Variants in CHODL observed in about 807,000 individuals in gnomAD.
CHODL encodes transmembrane protein MT75.
Under a neutral mutation model 34.5 loss-of-function variants are expected in CHODL, and 29 were observed. The ratio of observed to expected loss-of-function variants is 0.84; its 90% confidence interval spans 0.63 to 1.15. The LOEUF (loss-of-function observed/expected upper bound fraction) is 1.15, where lower values mean the gene tolerates loss of function less well. Among genes scored for constraint, CHODL ranks in the 50% most tolerant of loss-of-function variants. CHODL has a pLI of 0.00. For missense variants in CHODL, 332 were observed against 332.5 expected (o/e 1.00, Z 0.01); for synonymous variants, 125 against 116.1 (o/e 1.08, Z -0.49).
At chr21:18,012,618 C>T (rs574426687) in intron 1 of CHODL, among the ~76,000 whole-genome samples, 37 of 152,246 alleles carry the variant, frequency 2.4e-4, no homozygotes, top group African/African-American at 6.7e-4. Flanking sequence ...AATATTGGAA[C>T]GAAAACAGAG....
Position 18,256,798 on chromosome 21 carries a change from T to C in CHODL, c.369T>C (p.Asp123=), listed in dbSNP as rs200848816. 1.4e-4 allele frequency: 228 copies of C among 1,613,784 alleles called. No individual in the cohort carries two copies. Among genetic ancestry groups the C allele is most frequent in the Non-Finnish European group, 1.9e-4 (220 of 1,179,788 alleles). Residue 123 remains aspartate, a synonymous_variant, in exon 2 of 6, where the codon GAT becomes GAC. Transcript: ENST00000299295. ...GCCCAGATCTCTACCAGTGGTCTGA[T>C]GGAAGCAATTCCCAGTACCGGTGAG... is the stretch of plus-strand genomic sequence containing the variant. ...GACPDLYQWS[D]GSNSQYRNWY... is the part of the protein sequence containing the mutation.
chr21:18,192,497 A>G (rs888543583), intron 2 of CHODL, among the ~76,000 whole-genome samples: 1 of 152,222 alleles, frequency 6.6e-6, no homozygotes, highest in Non-Finnish European at 1.5e-5. Flanking sequence ...CAAAAGTCCT[A>G]TCTTTAGTTT....
intron 1 of CHODL, among the ~76,000 whole-genome samples, chr21:17,966,352 G>T (rs1263314266): frequency 2.0e-5 from 3 of 152,166 alleles, no homozygotes; most frequent in Admixed American, 6.5e-5. Context: ...CATTTGGGCG[G>T]CAGTAGGTAT....
At chr21:18,221,272 A>G (rs2146739281) in intron 2 of CHODL, among the ~76,000 whole-genome samples, 1 of 152,158 alleles carries the variant, frequency 6.6e-6, no homozygotes, top group African/African-American at 2.4e-5. Flanking sequence ...TGAATTTCTC[A>G]TTGAGATCAT....
intron 1 of CHODL, among the ~76,000 whole-genome samples, chr21:17,951,527 C>T (rs774810012): frequency 6.7e-6 from 1 of 149,436 alleles, no homozygotes; most frequent in Non-Finnish European, 1.5e-5. Flanking sequence ...ACTGTATCCA[C>T]ACAAACAGAC....
intron 2 of CHODL, among the ~76,000 whole-genome samples, chr21:18,144,484 G>A (rs2072842220): frequency 6.6e-6 from 1 of 152,116 alleles, no homozygotes; most frequent in Non-Finnish European, 1.5e-5. Flanking sequence ...CGGTGTGCAT[G>A]TCACTTGTGA....
At chr21:18,063,656 G>A (rs928638085) in intron 2 of CHODL, among the ~76,000 whole-genome samples, 15 of 152,024 alleles carry the variant, frequency 9.9e-5, no homozygotes, top group Admixed American at 4.6e-4. Context: ...AAAGAATGAT[G>A]AATTAACAAA....
intron 2 of CHODL, among the ~76,000 whole-genome samples, chr21:18,100,936 G>T (rs1317589006): frequency 6.6e-6 from 1 of 152,182 alleles, no homozygotes; most frequent in South Asian, 2.1e-4. Context: ...CAAAATCTCT[G>T]TCTACTCAGC....
chr21:18,000,465 A>G (rs2063894694), intron 1 of CHODL, among the ~76,000 whole-genome samples: 2 of 152,140 alleles, frequency 1.3e-5, no homozygotes, highest in Admixed American at 1.3e-4. Context: ...GAAGTCCTGT[A>G]TGAGCTTTGA....
chr21:18,109,928 C>G (rs2065326225), intron 2 of CHODL, among the ~76,000 whole-genome samples: 1 of 152,058 alleles, frequency 6.6e-6, no homozygotes, highest in Non-Finnish European at 1.5e-5. Context: ...GACATGTGCT[C>G]TCTTACAGGT....
At chr21:18,021,790 G>A (rs938983501) in intron 1 of CHODL, among the ~76,000 whole-genome samples, 2 of 92,942 alleles carry the variant, frequency 2.2e-5, no homozygotes, top group African/African-American at 8.7e-5. Flanking sequence ...AAAAGGGTAG[G>A]AGAATGTATG....
chr21:18,196,874 A>G (rs1229489696), intron 2 of CHODL, among the ~76,000 whole-genome samples: 2 of 152,186 alleles, frequency 1.3e-5, no homozygotes, highest in Admixed American at 1.3e-4. Flanking sequence ...AGTTATGCCA[A>G]TGAATTGTTC....
intron 2 of CHODL, among the ~76,000 whole-genome samples, chr21:18,063,952 G>T (rs995756812): frequency 3.1e-4 from 47 of 152,162 alleles, no homozygotes; most frequent in African/African-American, 1.1e-3. Flanking sequence ...TGTCACTAAA[G>T]TTCATTCTGT....
rs1380666177 is a variant in CHODL at position 18,244,960 on chromosome 21, C to T, written c.-264C>T. 10 of 432,272 alleles carry T rather than the reference C, an allele frequency of 2.3e-5. No individual in the cohort carries two copies. Among genetic ancestry groups the T allele is most frequent in the Non-Finnish European group, 4.1e-6 (1 of 245,184 alleles). The allele number at this position is 432,272 out of a possible 1,614,324, so 26.8% of individuals were successfully genotyped here. On this transcript the variant is annotated 5_prime_UTR_variant, in exon 1 of 6. It adds an upstream start codon to the 5' untranslated region. Transcript: ENST00000299295. ...TTCTGCTTCGCCTCTAGGACATACA[C>T]GGGACCCCCTAACTTCAGTCCCCCA... is the stretch of plus-strand genomic sequence containing the variant.
At chr21:18,071,648 T>C (rs915814282) in intron 2 of CHODL, among the ~76,000 whole-genome samples, 8 of 152,208 alleles carry the variant, frequency 5.3e-5, no homozygotes, top group Admixed American at 1.3e-4. Context: ...TACTTAGAAT[T>C]TCCCCTGAAC....
rs2824576 is a variant in CHODL, at chr21:17,959,257, A to C, written c.-145+41857A>C. On this transcript the variant is annotated intron_variant, in intron 1 of 6. Transcript: ENST00000400127. ...AGAAGTGATCAAGGCCAGGTCATGA[A>C]GTAAAAATAACATGGTAATGAATCC... Among the ~76,000 whole-genome samples, 1,452 of 152,260 alleles carry C rather than the reference A, an allele frequency of 9.5e-3. 19 individuals are homozygous for C. The highest frequency in any genetic ancestry group is 0.033 in the African/African-American group (1,367 of 41,570).
chr21:18,092,079 A>C (rs1040371563), intron 2 of CHODL, among the ~76,000 whole-genome samples: 2 of 152,196 alleles, frequency 1.3e-5, no homozygotes, highest in Non-Finnish European at 2.9e-5. Context: ...TGCTGGTTTC[A>C]GGTCTAAGCC....
chr21:18,200,963 T>C (rs1410877146), intron 2 of CHODL, among the ~76,000 whole-genome samples: 2 of 152,104 alleles, frequency 1.3e-5, no homozygotes, highest in African/African-American at 2.4e-5. Context: ...CCCAGAACCG[T>C]CAGAAGGAAC....
chr21:17,993,105 A>G (rs1253248541), intron 1 of CHODL, among the ~76,000 whole-genome samples: 1 of 152,178 alleles, frequency 6.6e-6, no homozygotes, highest in Non-Finnish European at 1.5e-5. Flanking sequence ...GAAAGTGGGC[A>G]TCCTTGTCTT....
Sources: allele counts gnomAD v4.1 joint callset (sites outside exome capture counted in the v4.1 genomes callset), GRCh38; gene constraint gnomAD v4.1.1; transcripts MANE v1.5; gene names NCBI Gene and HGNC (gene_info 2026-07-23, HGNC 2026-07-21).